Variants in SGCD observed in about 807,000 individuals in gnomAD.
SGCD encodes the protein delta-sarcoglycan.
SGCD carries 18 observed loss-of-function variants against 36.6 expected under a neutral mutation model. The observed-to-expected ratio is 0.49, with a 90% CI of 0.34 to 0.73. The LOEUF (loss-of-function observed/expected upper bound fraction) is 0.73, where lower values mean the gene tolerates loss of function less well. Ranked by LOEUF, SGCD falls within the 30% of genes least tolerant of loss-of-function variation. The pLI, the probability that SGCD is intolerant of heterozygous loss-of-function variation, is 0.01. For synonymous variants in SGCD, 133 were observed against 130.6 expected, an observed-to-expected ratio of 1.02 and a Z score of -0.12; for missense variants, 387 against 346.7, an observed-to-expected ratio of 1.12 and a Z score of -0.92.
intron 4 of SGCD, among the ~76,000 whole-genome samples, chr5:156,521,409 A>T (rs1185493268): frequency 2.0e-5 from 3 of 152,102 alleles, no homozygotes; most frequent in African/African-American, 4.8e-5. Context: ...TCATCAGAGC[A>T]AACAGACAAC....
intron 2 of SGCD, among the ~76,000 whole-genome samples, chr5:156,122,673 G>C (rs1422046629): frequency 6.6e-6 from 1 of 151,560 alleles, no homozygotes; most frequent in African/African-American, 2.4e-5. Flanking sequence ...TATGGCCATT[G>C]CAACAACTTT....
intron 1 of SGCD, among the ~76,000 whole-genome samples, chr5:156,082,202 C>T (rs932549001): frequency 7.3e-6 from 1 of 136,476 alleles, no homozygotes; most frequent in Admixed American, 8.6e-5. Flanking sequence ...CTTCAGAGAA[C>T]AATTTCATCC....
chr5:156,068,105 T>TTTTTATTTTATTTTA (rs879680827), intron 1 of SGCD, among the ~76,000 whole-genome samples: 5 of 147,600 alleles, frequency 3.4e-5, no homozygotes, highest in African/African-American at 1.2e-4. Context: ...TATATTTTTA[T>TTTTTATTTTATTTTA]TTTTATTTTA....
upstream of SGCD, among the ~76,000 whole-genome samples, chr5:155,866,511 G>A (rs1453046416): frequency 6.6e-6 from 1 of 152,172 alleles, no homozygotes; most frequent in Non-Finnish European, 1.5e-5. Flanking sequence ...CACACTTTGA[G>A]AACTGCTGCT....
intron 3 of SGCD, among the ~76,000 whole-genome samples, chr5:156,355,759 C>T (rs1482422824): frequency 6.6e-6 from 1 of 152,210 alleles, no homozygotes; most frequent in East Asian, 1.9e-4. Flanking sequence ...GCCTCAGCCT[C>T]CTGAGTAGCT....
the SGCD span, among the ~76,000 whole-genome samples, chr5:155,734,879 C>A: frequency 2.0e-5 from 3 of 152,154 alleles, no homozygotes; most frequent in South Asian, 6.2e-4. Context: ...CCCTTGAGTC[C>A]TCAAAGACTG....
intron 1 of SGCD, among the ~76,000 whole-genome samples, chr5:156,009,844 AT>A (rs1236839852): frequency 1.3e-5 from 2 of 152,182 alleles, no homozygotes; most frequent in African/African-American, 4.8e-5. Flanking sequence ...ACAACTGTCT[AT>A]ATTGATAATC....
At chr5:156,024,319 G>A (rs1222323677) in intron 1 of SGCD, among the ~76,000 whole-genome samples, 2 of 151,094 alleles carry the variant, frequency 1.3e-5, no homozygotes, top group Admixed American at 6.6e-5. Flanking sequence ...CTTGTATGAC[G>A]TCCTCAAGAT....
rs140022934 is a variant in SGCD at position 156,510,152 on chromosome 5, A to G, written c.294+1450A>G. Among the ~76,000 whole-genome samples the G allele has an allele frequency of 1.7e-3, 259 of 152,366 alleles. 2 individuals are homozygous for G. The highest frequency in any genetic ancestry group is 6.0e-3 in the African/African-American group (249 of 41,592). ...GTAAAAGAGAGGGAACAAGGATGTT[A>G]AAACTATCAAAAATAGCAAATGAAT... On this transcript the variant is annotated intron_variant, in intron 4 of 8. Transcript: ENST00000337851.
At chr5:156,460,910 A>G (rs1435011642) in intron 3 of SGCD, among the ~76,000 whole-genome samples, 2 of 152,194 alleles carry the variant, frequency 1.3e-5, no homozygotes, top group Non-Finnish European at 1.5e-5. Flanking sequence ...CAAGAAGTTA[A>G]TAGAATACAC....
intron 7 of SGCD, among the ~76,000 whole-genome samples, chr5:156,654,734 A>G (rs1163943940): frequency 3.3e-5 from 5 of 152,168 alleles, no homozygotes; most frequent in Non-Finnish European, 7.4e-5. Flanking sequence ...ATCCTGTTAT[A>G]TTATTTTGAC....
At chr5:156,287,835 C>G (rs575424892) in intron 3 of SGCD, among the ~76,000 whole-genome samples, 14 of 152,086 alleles carry the variant, frequency 9.2e-5, no homozygotes, top group African/African-American at 3.4e-4. Flanking sequence ...GAAATTTGAG[C>G]CTGCAGTGAG....
chr5:156,700,740 T>TA (rs1387946481), intron 7 of SGCD, among the ~76,000 whole-genome samples: 2 of 152,124 alleles, frequency 1.3e-5, no homozygotes, highest in Non-Finnish European at 2.9e-5. Flanking sequence ...GGCTAGGACT[T>TA]AGAGACCAGC....
chr5:156,297,675 T>C (rs1173673852), intron 3 of SGCD, among the ~76,000 whole-genome samples: 1 of 150,846 alleles, frequency 6.6e-6, no homozygotes, highest in Non-Finnish European at 1.5e-5. Context: ...CATCGGGAGA[T>C]ATACCTATGC....
At chr5:156,258,813 A>C (rs1441085757) in intron 3 of SGCD, among the ~76,000 whole-genome samples, 1 of 152,166 alleles carries the variant, frequency 6.6e-6, no homozygotes, top group African/African-American at 2.4e-5. Flanking sequence ...GGGAATATTT[A>C]AAATTTTGCT....
intron 7 of SGCD, among the ~76,000 whole-genome samples, chr5:156,717,676 C>T (rs1755289093): frequency 6.6e-6 from 1 of 152,136 alleles, no homozygotes; most frequent in East Asian, 1.9e-4. Context: ...TGATCAGGCT[C>T]TCACTTTCTG....
At chr5:156,496,992 A>G (rs1048729848) in intron 3 of SGCD, among the ~76,000 whole-genome samples, 1 of 152,168 alleles carries the variant, frequency 6.6e-6, no homozygotes, top group African/African-American at 2.4e-5. Flanking sequence ...TTAATCCTCA[A>G]TTTAGAAGTT....
At chr5:155,951,567 A>G (rs1304396873) in intron 1 of SGCD, among the ~76,000 whole-genome samples, 2 of 152,174 alleles carry the variant, frequency 1.3e-5, no homozygotes, top group Non-Finnish European at 2.9e-5. Flanking sequence ...ATGCCTAATT[A>G]TTGGTCACAT....
At chr5:156,582,731 GATCTAAGT>G (rs1760323728) in intron 4 of SGCD, among the ~76,000 whole-genome samples, 1 of 152,072 alleles carries the variant, frequency 6.6e-6, no homozygotes, top group Non-Finnish European at 1.5e-5. Context: ...CTTATCCCTA[GATCTAAGT>G]ATGTAATTCA....
Sources: gnomAD v4.1 joint callset for allele counts (sites outside exome capture counted in the v4.1 genomes callset) on GRCh38, gnomAD v4.1.1 for gene constraint, MANE v1.5 for transcripts, NCBI Gene and HGNC (gene_info 2026-07-23, HGNC 2026-07-21) for gene names.